Variants in TFF3 observed in about 807,000 individuals in gnomAD.
TFF3 encodes trefoil factor 3, also known as polypeptide P1.B.
A neutral mutation model predicts 9.7 loss-of-function variants in TFF3; 6 were observed. That is an observed-to-expected ratio of 0.62 (90% CI 0.34 to 1.22). The LOEUF is 1.22. TFF3 is among the 50% of genes most tolerant of loss of function. The pLI is 0.04. For synonymous variants in TFF3, 48 were observed against 41.4 expected, an observed-to-expected ratio of 1.16 and a Z score of -0.61; for missense variants, 93 against 98.6, an observed-to-expected ratio of 0.94 and a Z score of 0.24.
At position 42,313,468 on chromosome 21, in the gene TFF3, T is replaced by C; in HGVS notation, c.229+17A>G. 1.3e-6 allele frequency: 2 copies of C among 1,597,110 alleles called. No individual in the cohort carries two copies. The highest frequency in any genetic ancestry group is 2.2e-5 in the South Asian group (2 of 89,362). ...TTATGGGGCTGGGCCCAGACCACGATGCCACTGGGGCCTTACCTGCTTCCT... is the reference window on the plus strand; with the variant it reads ...TTATGGGGCTGGGCCCAGACCACGACGCCACTGGGGCCTTACCTGCTTCCT... On this transcript the variant is annotated intron_variant, in intron 2 of 2. Coordinates refer to ENST00000518498, the MANE Select transcript of TFF3 (RefSeq NM_003226.4). This position sits in a 1 kb window ranked among gnomAD's most constrained non-coding sequence, Gnocchi z 4.0.
At position 42,311,863 on chromosome 21, in the gene TFF3, G is replaced by C. The variant is rs1382633357; in HGVS notation, c.*393C>G. ...AATGTATTTTTTCTGCTTTCCCGAG[G>C]AAGCGGCACTTACAGTGTTCCTAGG... On this transcript the variant is annotated 3_prime_UTR_variant, in exon 3 of 3. Transcript: ENST00000518498. 5 of 361,188 alleles carry C rather than the reference G, an allele frequency of 1.4e-5. No individual in the cohort carries two copies. Among genetic ancestry groups the C allele is most frequent in the Admixed American group, 1.3e-4 (3 of 22,876 alleles). The allele number at this position is 361,188 out of a possible 1,614,324, so 22.4% of individuals were successfully genotyped here. A position where few individuals can be genotyped will look rare whatever the true frequency, so the allele number is the denominator to read the frequency against.
At chr21:42,314,387 C>T (rs1481001624) in intron 1 of TFF3, among the ~76,000 whole-genome samples, 1 of 152,140 alleles carries the variant, frequency 6.6e-6, no homozygotes, top group Admixed American at 6.5e-5. Flanking sequence ...GGCATGGTGG[C>T]TTACACCTGT....
Position 42,313,625 on chromosome 21 carries a change from T to C in TFF3, c.89A>G (p.Asn30Ser). ...GTCCTTGGCTGGCACGGCACACTGGTTTGCAGCTGTCCCAGACAAAGCCCT... is the reference window on the plus strand; with the variant it reads ...GTCCTTGGCTGGCACGGCACACTGGCTTGCAGCTGTCCCAGACAAAGCCCT... ...SAEEYVGLSA[N>S]QCAVPAKDRV... Residue 30 changes from asparagine (N) to serine (S), a missense_variant, in exon 2 of 3, where the codon AAC becomes AGC. By Grantham distance (46) the Asn-to-Ser change is conservative. Coordinates refer to ENST00000518498, the MANE Select transcript of TFF3 (RefSeq NM_003226.4). This position sits in a 1 kb window ranked among gnomAD's most constrained non-coding sequence, Gnocchi z 4.0. 1 of 1,609,170 alleles carries C rather than the reference T, an allele frequency of 6.2e-7. No homozygotes were observed. The highest frequency in any genetic ancestry group is 8.5e-7 in the Non-Finnish European group (1 of 1,178,572).
chr21:42,312,785 C>T (rs2069338039), intron 2 of TFF3, among the ~76,000 whole-genome samples: 1 of 152,198 alleles, frequency 6.6e-6, no homozygotes, highest in South Asian at 2.1e-4. Context: ...GTACCTCACG[C>T]AGGTGCGGCC....
chr21:42,312,018 G>C lies in TFF3; in HGVS notation c.*238C>G. The C allele has an allele frequency of 2.5e-5, 15 of 605,158 alleles. No homozygotes were observed. Among genetic ancestry groups the C allele is most frequent in the Non-Finnish European group, 3.4e-5 (11 of 319,032 alleles). 37.5% of individuals were successfully genotyped at this position (605,158 alleles called of 1,614,324 possible). On this transcript the variant is annotated 3_prime_UTR_variant, in exon 3 of 3. Coordinates refer to ENST00000518498, the MANE Select transcript of TFF3 (RefSeq NM_003226.4). The stretch of plus-strand genomic sequence containing the variant: ...CTGACACCCTCCCGCCCTCTCCCAC[G>C]ACGCAGCAGAAATAAAGCACAACCT...
In TFF3 at chr21:42,315,244, C is replaced by G. The variant is rs751937041; in HGVS notation, c.82+49G>C. On this transcript the variant is annotated intron_variant, in intron 1 of 2. Coordinates refer to ENST00000518498, the MANE Select transcript of TFF3 (RefSeq NM_003226.4). Reference sequence around the variant, plus strand: ...CAGAATCCCCCCTTATCCTGGATCCCTTCCCTTCACGCCCACCCTGCCACC... The same window carrying G: ...CAGAATCCCCCCTTATCCTGGATCCGTTCCCTTCACGCCCACCCTGCCACC... 660 of 1,585,652 alleles carry G rather than the reference C, an allele frequency of 4.2e-4. 10 individuals are homozygous for G. The highest frequency in any genetic ancestry group is 3.0e-3 in the Middle Eastern group (17 of 5,588).
intron 2 of TFF3, among the ~76,000 whole-genome samples, chr21:42,312,784 G>A (rs775207763): frequency 1.3e-5 from 2 of 152,190 alleles, no homozygotes; most frequent in Admixed American, 1.3e-4. Context: ...GGTACCTCAC[G>A]CAGGTGCGGC....
Position 42,315,367 on chromosome 21 carries a change from G to A in TFF3, c.8C>T (p.Ala3Val). Residue 3 changes from alanine to valine, a missense_variant, in exon 1 of 3, where the codon GCC becomes GTC. Ala to Val is a moderately conservative substitution (Grantham distance 64, BLOSUM62 0). Coordinates refer to ENST00000518498, the MANE Select transcript of TFF3 (RefSeq NM_003226.4). ...CAGCCCCAGCATGCAGAGCGCTCTG[G>A]CAGCCATGACCACCGTGGGCTCCGG... Reference protein sequence around the residue: MAARALCMLGLVL... With the variant: MAVRALCMLGLVL... 6.2e-7 allele frequency: 1 copy of A among 1,614,204 alleles called. No individual in the cohort carries two copies. The highest frequency in any genetic ancestry group is 8.5e-7 in the Non-Finnish European group (1 of 1,180,044).
At position 42,313,724 on chromosome 21, in the gene TFF3, C is replaced by T; in HGVS notation, c.83-93G>A. 7.1e-7 allele frequency: 1 copy of T among 1,402,330 alleles called. No individual in the cohort carries two copies. The highest frequency in any genetic ancestry group is 2.7e-5 in the East Asian group (1 of 36,762). 86.9% of individuals were successfully genotyped at this position (1,402,330 alleles called of 1,614,324 possible). On this transcript the variant is annotated intron_variant, in intron 1 of 2. Coordinates refer to ENST00000518498, the MANE Select transcript of TFF3 (RefSeq NM_003226.4). The surrounding 1 kb of genome is among the most constrained non-coding windows in gnomAD (Gnocchi z 4.0). ...CTTTGCAAGTTTGCATCCTCCCGCTCCGCCCCACCCCGCCGAGTTCAACCA... is the reference window on the plus strand; with the variant it reads ...CTTTGCAAGTTTGCATCCTCCCGCTTCGCCCCACCCCGCCGAGTTCAACCA...
intron 1 of TFF3, among the ~76,000 whole-genome samples, chr21:42,314,509 G>T (rs540433539): frequency 2.6e-5 from 4 of 152,306 alleles, no homozygotes; most frequent in African/African-American, 7.2e-5. Flanking sequence ...CAAAAAATTA[G>T]CTGGGCATGG....
chr21:42,313,697 C>T lies in TFF3; in HGVS notation c.83-66G>A. On this transcript the variant is annotated intron_variant, in intron 1 of 2. Transcript: ENST00000518498. The surrounding 1 kb of genome is among the most constrained non-coding windows in gnomAD (Gnocchi z 4.0). ...TGGGCTGCGGTGAGTGTGTTTGCTTCACTTTGCAAGTTTGCATCCTCCCGC... is the reference window on the plus strand; with the variant it reads ...TGGGCTGCGGTGAGTGTGTTTGCTTTACTTTGCAAGTTTGCATCCTCCCGC... 1 of 1,527,464 alleles carries T rather than the reference C, an allele frequency of 6.5e-7. No homozygotes were observed. Among genetic ancestry groups the T allele is most frequent in the Non-Finnish European group, 8.8e-7 (1 of 1,133,480 alleles). The allele number at this position is 1,527,464 out of a possible 1,614,324, so 94.6% of individuals were successfully genotyped here.
Position 42,311,835 on chromosome 21 carries a change from T to C in TFF3, c.*421A>G, listed in dbSNP as rs1465720875. On this transcript the variant is annotated 3_prime_UTR_variant, in exon 3 of 3. Transcript: ENST00000518498. Reference sequence around the variant, plus strand: ...CTTGTGATTTTTGAAAACTTCTACCTGAAATGTATTTTTTCTGCTTTCCCG... The same window carrying C: ...CTTGTGATTTTTGAAAACTTCTACCCGAAATGTATTTTTTCTGCTTTCCCG... The C allele has an allele frequency of 6.2e-6, 2 of 323,284 alleles. No individual in the cohort carries two copies. Among genetic ancestry groups the C allele is most frequent in the Admixed American group, 4.6e-5 (1 of 21,566 alleles). 20.0% of individuals were successfully genotyped at this position (323,284 alleles called of 1,614,324 possible). A position where few individuals can be genotyped will look rare whatever the true frequency, so the allele number is the denominator to read the frequency against.
chr21:42,314,739 C>T (rs2069349271), intron 1 of TFF3, among the ~76,000 whole-genome samples: 1 of 152,134 alleles, frequency 6.6e-6, no homozygotes. Flanking sequence ...TAAAGCTCTC[C>T]AGGTGATTCT....
At chr21:42,315,224 TC>T in intron 1 of TFF3, 68 bp downstream of exon 1, 4 of 1,542,864 alleles carry the variant, frequency 2.6e-6, no homozygotes, top group South Asian at 1.2e-5. Context: ...GAATGCAGAA[TC>T]CCCCCTTATC....
chr21:42,312,207 A>C lies in TFF3; in HGVS notation c.*49T>G. The C allele has an allele frequency of 6.2e-7, 1 of 1,613,772 alleles. No homozygotes were observed. The highest frequency in any genetic ancestry group is 8.5e-7 in the Non-Finnish European group (1 of 1,179,784). On this transcript the variant is annotated 3_prime_UTR_variant, in exon 3 of 3. Transcript: ENST00000518498. ...GCCTGGCAGCAATCACAGCCGGGCAAGGGTGCTCCGAGCCTCGCATCCCCC... is the reference window on the plus strand; with the variant it reads ...GCCTGGCAGCAATCACAGCCGGGCACGGGTGCTCCGAGCCTCGCATCCCCC...
rs1342115494 is a variant in TFF3 at position 42,315,369 on chromosome 21, AGCCATGACCACCGTGG to A, written c.-11_5del. ...GCCCCAGCATGCAGAGCGCTCTGGC[AGCCATGACCACCGTGG>A]GCTCCGGGACGCAGCTCAGGACTCG... On this transcript the variant is annotated start_lost and 5_prime_UTR_variant, in exon 1 of 3. Coordinates refer to ENST00000518498, the MANE Select transcript of TFF3 (RefSeq NM_003226.4). The A allele has an allele frequency of 6.2e-7, 1 of 1,614,038 alleles. No individual in the cohort carries two copies. The highest frequency in any genetic ancestry group is 8.5e-7 in the Non-Finnish European group (1 of 1,180,032).
At chr21:42,315,108 T>C (rs938322073) in intron 1 of TFF3, among the ~76,000 whole-genome samples, 185 bp downstream of exon 1, 5 of 152,216 alleles carry the variant, frequency 3.3e-5, no homozygotes, top group African/African-American at 1.2e-4. Flanking sequence ...TTGTTAACTT[T>C]CTCTGAGCCT....
rs761939259 is a variant in TFF3 at position 42,311,901 on chromosome 21, G to A, written c.*355C>T. 21 of 475,876 alleles carry A rather than the reference G, an allele frequency of 4.4e-5. No homozygotes were observed. The highest frequency in any genetic ancestry group is 2.0e-4 in the African/African-American group (10 of 50,404). 29.5% of individuals were successfully genotyped at this position (475,876 alleles called of 1,614,324 possible). On this transcript the variant is annotated 3_prime_UTR_variant, in exon 3 of 3. Coordinates refer to ENST00000518498, the MANE Select transcript of TFF3 (RefSeq NM_003226.4). ...CAGTGTTCCTAGGCTTTCCTGTGAC[G>A]TGGGTGCCAGTCTGGATTCAAAATA... is the stretch of plus-strand genomic sequence containing the variant.
In TFF3 at chr21:42,313,680, G is replaced by T. The variant is rs1472214840; in HGVS notation, c.83-49C>A. The T allele has an allele frequency of 1.3e-6, 2 of 1,562,684 alleles. No homozygotes were observed. The highest frequency in any genetic ancestry group is 2.7e-5 in the African/African-American group (2 of 73,200). On this transcript the variant is annotated intron_variant, in intron 1 of 2. Coordinates refer to ENST00000518498, the MANE Select transcript of TFF3 (RefSeq NM_003226.4). The surrounding 1 kb of genome is among the most constrained non-coding windows in gnomAD (Gnocchi z 4.0). ...GCTGCCAGAGCCCTTGCTGGGCTGC[G>T]GTGAGTGTGTTTGCTTCACTTTGCA...
Sources: allele counts gnomAD v4.1 joint callset (sites outside exome capture counted in the v4.1 genomes callset), GRCh38; gene constraint gnomAD v4.1.1; non-coding constraint Gnocchi (gnomAD v3.1); transcripts MANE v1.5; gene names NCBI Gene and HGNC (gene_info 2026-07-23, HGNC 2026-07-21).